ABHD17A: variants seen among roughly 807,000 people sequenced by gnomAD.
ABHD17A encodes the protein abhydrolase domain containing 17A, depalmitoylase.
Under a neutral mutation model 26.8 loss-of-function variants are expected in ABHD17A, and 10 were observed. That is an observed-to-expected ratio of 0.37 (90% confidence interval 0.23 to 0.63). ABHD17A has a LOEUF of 0.63. ABHD17A is among the 30% of genes least tolerant of loss of function. ABHD17A has a pLI of 0.61. For synonymous variants in ABHD17A, 167 were observed against 210.9 expected (o/e 0.79, Z 1.80); for missense variants, 292 against 457.3 (o/e 0.64, Z 3.30).
At chr19:1,881,825 G>A in intron 1 of ABHD17A, 21 bp from the exon 2 acceptor site, 1 of 461,126 alleles carries the variant, frequency 2.2e-6, no homozygotes, top group Non-Finnish European at 3.7e-6. Flanking sequence ...ACAGTGACAT[G>A]TGGGGTCCTT....
In ABHD17A at chr19:1,880,835, A is replaced by G. The variant is rs1328028020; in HGVS notation, c.332+400T>C. 4 of 1,601,622 alleles carry G rather than the reference A, an allele frequency of 2.5e-6. No individual in the cohort carries two copies. In the African/African-American group the frequency reaches 5.4e-5, roughly 21 times the overall value. The stretch of plus-strand genomic sequence containing the variant: ...CTTCCTCCAGTTCCCCCAGGCCCCC[A>G]CCTAGCCCAGCCAGAAGGTAAAGGC... On this transcript the variant is annotated intron_variant, in intron 2 of 4. Transcript: ENST00000292577. The surrounding 1 kb of genome is among the most constrained non-coding windows in gnomAD (Gnocchi z 4.1).
At position 1,881,798 on chromosome 19, in the gene ABHD17A, G is replaced by A. The variant is rs1189623531; in HGVS notation, c.-232C>T. ...CCACAGGTCTCCATGTCGTGCCGTG[G>A]GAAGCCCTGCGGGGGAACAGTGACA... On this transcript the variant is annotated 5_prime_UTR_variant, in exon 2 of 5. Transcript: ENST00000292577. The A allele has an allele frequency of 1.8e-6, 1 of 550,686 alleles. No individual in the cohort carries two copies. Among genetic ancestry groups the A allele is most frequent in the East Asian group, 3.8e-5 (1 of 26,074 alleles). 34.1% of individuals were successfully genotyped at this position (550,686 alleles called of 1,614,324 possible). A position where few individuals can be genotyped will look rare whatever the true frequency, so the allele number is the denominator to read the frequency against.
intron 3 of ABHD17A, chr19:1,878,021 G>C: frequency 2.8e-6 from 1 of 357,700 alleles, no homozygotes; most frequent in Non-Finnish European, 5.2e-6. Context: ...TCACCCCTAG[G>C]TGCACACTGG....
At position 1,880,169 on chromosome 19, in the gene ABHD17A, A is replaced by G. The variant is rs1644076567; in HGVS notation, c.333-54T>C. 3 of 1,593,088 alleles carry G rather than the reference A, an allele frequency of 1.9e-6. No homozygotes were observed. The highest frequency in any genetic ancestry group is 1.7e-6 in the Non-Finnish European group (2 of 1,167,470). Reference sequence around the variant, plus strand: ...ATCCTCGCTCCCAGCGCCCAGCTGCAGGGCAGGAGGATGCGTAGTGACAGC... The same window carrying G: ...ATCCTCGCTCCCAGCGCCCAGCTGCGGGGCAGGAGGATGCGTAGTGACAGC... On this transcript the variant is annotated intron_variant, in intron 2 of 4. Transcript: ENST00000292577. This position sits in a 1 kb window ranked among gnomAD's most constrained non-coding sequence, Gnocchi z 4.1.
At chr19:1,882,532 C>T (rs2012571744) in intron 1 of ABHD17A, 2 of 152,018 alleles carry the variant, frequency 1.3e-5, no homozygotes, top group Non-Finnish European at 2.9e-5. Flanking sequence ...TGGGCGAGTC[C>T]CTTGCCCTCC....
In ABHD17A at chr19:1,877,224, C is replaced by A. The variant is rs955787339; in HGVS notation, c.909G>T (p.Gln303His). 13 of 1,519,128 alleles carry A rather than the reference C, an allele frequency of 8.6e-6. No homozygotes were observed. In the Admixed American group the frequency reaches 2.3e-4, roughly 27 times the overall value. The allele number at this position is 1,519,128 out of a possible 1,614,324, so 94.1% of individuals were successfully genotyped here. A position where few individuals can be genotyped will look rare whatever the true frequency, so the allele number is the denominator to read the frequency against. The change falls in exon 5 of 5, where the codon CAG (glutamine) becomes CAT (histidine). Residue 303 changes from glutamine to histidine, a missense_variant. This residue lies in a region of ABHD17A where 88 missense variants were observed against 134.3 expected (regional missense o/e 0.66). Coordinates refer to ENST00000292577, the MANE Select transcript of ABHD17A (RefSeq NM_001130111.2). ...GCTAGGCGCGCTGGCTGGGCAGCTC[C>A]TGGGAGATGAAGCGACGCAGGCGCT... ...YLERLRRFIS[Q>H]ELPSQRA
Position 1,881,720 on chromosome 19 carries a change from G to A in ABHD17A, c.-154C>T. 2 of 1,121,988 alleles carry A rather than the reference G, an allele frequency of 1.8e-6. No homozygotes were observed. Among genetic ancestry groups the A allele is most frequent in the Admixed American group, 3.8e-5 (1 of 26,524 alleles). 69.5% of individuals were successfully genotyped at this position (1,121,988 alleles called of 1,614,324 possible). On this transcript the variant is annotated 5_prime_UTR_variant, in exon 2 of 5. Transcript: ENST00000292577. ...GCCCCAGACAGCAGCCCCGTTAGGA[G>A]GCCAGGGCCCAGCCCCATCGCGGTC...
Position 1,879,351 on chromosome 19 carries a change from C to G in ABHD17A, c.527+570G>C, listed in dbSNP as rs1360413399. On this transcript the variant is annotated intron_variant, in intron 3 of 4. Transcript: ENST00000292577. The surrounding 1 kb of genome is among the most constrained non-coding windows in gnomAD (Gnocchi z 7.6). The stretch of plus-strand genomic sequence containing the variant: ...CTCAAACACCGGTGAAGGGCCCAGG[C>G]AAGCGCAGGGCTGGGGACGTGGATG... 6.0e-6 allele frequency: 1 copy of G among 165,580 alleles called. No individual in the cohort carries two copies. The highest frequency in any genetic ancestry group is 2.4e-5 in the African/African-American group (1 of 41,504). 10.3% of individuals were successfully genotyped at this position (165,580 alleles called of 1,614,324 possible). A position where few individuals can be genotyped will look rare whatever the true frequency, so the allele number is the denominator to read the frequency against.
chr19:1,884,603 G>T (rs1290930120), intron 1 of ABHD17A, among the ~76,000 whole-genome samples: 1 of 152,044 alleles, frequency 6.6e-6, no homozygotes, highest in South Asian at 2.1e-4. Flanking sequence ...AAACCCGCCT[G>T]GGGGGAGGCG....
Position 1,880,855 on chromosome 19 carries a change from A to G in ABHD17A, c.332+380T>C, listed in dbSNP as rs1171198877. On this transcript the variant is annotated intron_variant, in intron 2 of 4. Transcript: ENST00000292577. The surrounding 1 kb of genome is among the most constrained non-coding windows in gnomAD (Gnocchi z 4.1). The stretch of plus-strand genomic sequence containing the variant: ...CCCCCACCTAGCCCAGCCAGAAGGT[A>G]AAGGCTCGCCCTCTGGACTCAGATC... 1.2e-6 allele frequency: 2 copies of G among 1,610,222 alleles called. No individual in the cohort carries two copies. The highest frequency in any genetic ancestry group is 2.7e-5 in the African/African-American group (2 of 74,862).
intron 2 of ABHD17A, 26 bp downstream of exon 2, chr19:1,881,209 G>A (rs773949419): frequency 6.2e-7 from 1 of 1,610,092 alleles, no homozygotes; most frequent in Non-Finnish European, 8.5e-7. Context: ...GGGTGACCCA[G>A]CCCAGGCGCG....
Position 1,879,926 on chromosome 19 carries a change from G to A in ABHD17A, c.522C>T (p.Arg174=), listed in dbSNP as rs1397016331. ...ADIDAAWQAL[R]TRYGISPDSI... Reference sequence around the variant, plus strand: ...GCCCCCAGGGTCGCCCTCACCTGGTGCGCAGGGCCTGCCAGGCGGCGTCGA... The same window carrying A: ...GCCCCCAGGGTCGCCCTCACCTGGTACGCAGGGCCTGCCAGGCGGCGTCGA... Residue 174 remains arginine (R), a synonymous_variant, in exon 3 of 5, where the codon CGC becomes CGT. Transcript: ENST00000292577. This position sits in a 1 kb window ranked among gnomAD's most constrained non-coding sequence, Gnocchi z 7.6. 2 of 1,606,936 alleles carry A rather than the reference G, an allele frequency of 1.2e-6. No homozygotes were observed. Among genetic ancestry groups the A allele is most frequent in the East Asian group, 2.2e-5 (1 of 44,712 alleles).
intron 1 of ABHD17A, chr19:1,882,916 T>C (rs1254198546): frequency 6.6e-6 from 1 of 152,074 alleles, no homozygotes; most frequent in Non-Finnish European, 1.5e-5. Flanking sequence ...AAGATGAGGC[T>C]CAAAGGCAGA....
At position 1,880,255 on chromosome 19, in the gene ABHD17A, G is replaced by A. The variant is rs1023485479; in HGVS notation, c.333-140C>T. On this transcript the variant is annotated intron_variant, in intron 2 of 4. Coordinates refer to ENST00000292577, the MANE Select transcript of ABHD17A (RefSeq NM_001130111.2). This position sits in a 1 kb window ranked among gnomAD's most constrained non-coding sequence, Gnocchi z 4.1. ...TACTCCCCTCCCAAGGGGGCCAGAA[G>A]CCAGTGAATGGAGAGGGGAGGCTAC... 5.9e-6 allele frequency: 5 copies of A among 851,216 alleles called. No homozygotes were observed. In the African/African-American group the frequency reaches 6.8e-5, roughly 12 times the overall value. 52.7% of individuals were successfully genotyped at this position (851,216 alleles called of 1,614,324 possible). A position where few individuals can be genotyped will look rare whatever the true frequency, so the allele number is the denominator to read the frequency against.
At chr19:1,885,327 G>T in intron 1 of ABHD17A, 25 bp downstream of exon 1, 1 of 150,646 alleles carries the variant, frequency 6.6e-6, no homozygotes, top group South Asian at 1.9e-4. Flanking sequence ...GGCCGCGCCC[G>T]CCCCCGCCCC....
chr19:1,879,880 T>C lies in ABHD17A; in HGVS notation c.527+41A>G. ...CCCGGCCCCCCGCCTGGTCCCCTCT[T>C]GGGTGTGCCCAGGCTGAGCTGCCCC... On this transcript the variant is annotated intron_variant, in intron 3 of 4. Coordinates refer to ENST00000292577, the MANE Select transcript of ABHD17A (RefSeq NM_001130111.2). This position sits in a 1 kb window ranked among gnomAD's most constrained non-coding sequence, Gnocchi z 7.6. 1 of 1,541,746 alleles carries C rather than the reference T, an allele frequency of 6.5e-7. No homozygotes were observed. Among genetic ancestry groups the C allele is most frequent in the Non-Finnish European group, 8.7e-7 (1 of 1,143,898 alleles).
chr19:1,880,194 C>G lies in ABHD17A; in HGVS notation c.333-79G>C, dbSNP rs1599207468. 6.6e-7 allele frequency: 1 copy of G among 1,510,856 alleles called. No homozygotes were observed. Among genetic ancestry groups the G allele is most frequent in the Non-Finnish European group, 9.0e-7 (1 of 1,107,200 alleles). The allele number at this position is 1,510,856 out of a possible 1,614,324, so 93.6% of individuals were successfully genotyped here. A position where few individuals can be genotyped will look rare whatever the true frequency, so the allele number is the denominator to read the frequency against. Reference sequence around the variant, plus strand: ...AGGGCAGGAGGATGCGTAGTGACAGCCCACCCCGGTGGCCAGCCATGCCCA... The same window carrying G: ...AGGGCAGGAGGATGCGTAGTGACAGGCCACCCCGGTGGCCAGCCATGCCCA... On this transcript the variant is annotated intron_variant, in intron 2 of 4. Coordinates refer to ENST00000292577, the MANE Select transcript of ABHD17A (RefSeq NM_001130111.2). This position sits in a 1 kb window ranked among gnomAD's most constrained non-coding sequence, Gnocchi z 4.1.
At chr19:1,882,808 T>G (rs1483535268) in intron 1 of ABHD17A, 3 of 152,104 alleles carry the variant, frequency 2.0e-5, no homozygotes, top group Admixed American at 2.0e-4. Context: ...TCCTTCAGAC[T>G]GGAGCGAGGA....
intron 1 of ABHD17A, among the ~76,000 whole-genome samples, chr19:1,884,424 C>T (rs114529036): frequency 6.8e-4 from 103 of 152,234 alleles, no homozygotes; most frequent in African/African-American, 2.2e-3. Flanking sequence ...GGGCACACAC[C>T]CTTGACACCC....
Sources: gnomAD v4.1 joint callset for allele counts (sites outside exome capture counted in the v4.1 genomes callset) on GRCh38, gnomAD v4.1.1 for gene constraint, gnomAD v4.1.1 regional missense constraint, Gnocchi (gnomAD v3.1) non-coding constraint, MANE v1.5 for transcripts, NCBI Gene and HGNC (gene_info 2026-07-23, HGNC 2026-07-21) for gene names.